The following KCNH7 variants were observed in gnomAD, a reference collection of about 807,000 sequenced individuals.
KCNH7 encodes voltage-gated inwardly rectifying potassium channel KCNH7.
KCNH7 carries 49 observed loss-of-function variants against 120.8 expected under a neutral mutation model. The observed-to-expected ratio is 0.41, with a 90% CI of 0.32 to 0.51. The LOEUF (loss-of-function observed/expected upper bound fraction) is 0.51. KCNH7 is among the 20% of genes least tolerant of loss of function. The probability of loss-of-function intolerance (pLI) is 0.38; values close to 1 mark genes in which losing one functional copy is unlikely to be tolerated. For missense variants in KCNH7, 1,097 were observed against 1,446.6 expected (o/e 0.76, Z 3.92); for synonymous variants, 547 against 516.1 (o/e 1.06, Z -0.81).
At chr2:162,570,268 C>T (rs1254765361) in intron 2 of KCNH7, among the ~76,000 whole-genome samples, 1 of 150,344 alleles carries the variant, frequency 6.7e-6, no homozygotes, top group African/African-American at 2.5e-5. Flanking sequence ...TGAATTGATC[C>T]CTTTACCATT....
intron 6 of KCNH7, among the ~76,000 whole-genome samples, chr2:162,466,937 T>A (rs1375227260): frequency 6.6e-6 from 1 of 152,206 alleles, no homozygotes; most frequent in Non-Finnish European, 1.5e-5. Flanking sequence ...GGCATCAATG[T>A]AGTCAACCTT....
chr2:162,595,550 G>A (rs1187961729), intron 2 of KCNH7, among the ~76,000 whole-genome samples: 2 of 151,980 alleles, frequency 1.3e-5, no homozygotes, highest in South Asian at 2.1e-4. Context: ...CAACAAAATA[G>A]GTATAGGAGG....
chr2:162,443,827 T>C (rs1452797566), intron 7 of KCNH7, among the ~76,000 whole-genome samples: 1 of 152,236 alleles, frequency 6.6e-6, no homozygotes, highest in East Asian at 1.9e-4. Flanking sequence ...GGTCTCTGTC[T>C]CTGCCTTCTC....
intron 7 of KCNH7, among the ~76,000 whole-genome samples, chr2:162,437,903 G>A (rs571711551): frequency 3.9e-5 from 6 of 152,148 alleles, no homozygotes; most frequent in Admixed American, 3.9e-4. Context: ...GAAACAAAGG[G>A]ACTTCATGAG....
chr2:162,499,611 G>T (rs1690610509), intron 6 of KCNH7, among the ~76,000 whole-genome samples: 1 of 152,146 alleles, frequency 6.6e-6, no homozygotes, highest in Non-Finnish European at 1.5e-5. Context: ...CAAAATAACA[G>T]CAAGAATTGA....
At chr2:162,672,572 C>T (rs1685396458) in intron 2 of KCNH7, among the ~76,000 whole-genome samples, 1 of 151,712 alleles carries the variant, frequency 6.6e-6, no homozygotes, top group South Asian at 2.1e-4. Context: ...AACTCAGCAA[C>T]AAACTTAAGA....
At chr2:162,525,836 T>G (rs1361674606) in intron 3 of KCNH7, among the ~76,000 whole-genome samples, 1 of 151,922 alleles carries the variant, frequency 6.6e-6, no homozygotes, top group African/African-American at 2.4e-5. Context: ...GATTGGGTGT[T>G]GCTAGGTAAC....
At chr2:162,700,942 T>C (rs1222835771) in intron 2 of KCNH7, among the ~76,000 whole-genome samples, 3 of 152,208 alleles carry the variant, frequency 2.0e-5, no homozygotes, top group East Asian at 3.8e-4. Flanking sequence ...TTTGGGATTG[T>C]TCTTTAGAGA....
chr2:162,728,366 T>G (rs922220575), intron 2 of KCNH7, among the ~76,000 whole-genome samples: 1 of 152,220 alleles, frequency 6.6e-6, no homozygotes, highest in African/African-American at 2.4e-5. Flanking sequence ...GTTTTTTATA[T>G]TTTCTTTATA....
chr2:162,787,650 C>A lies in KCNH7; in HGVS notation c.307+48887G>T, dbSNP rs563382018. Among the ~76,000 whole-genome samples, 13 of 152,348 alleles carry A rather than the reference C, an allele frequency of 8.5e-5. No homozygotes were observed. The South Asian group carries it at 2.5e-3, about 29-fold the overall frequency. On this transcript the variant is annotated intron_variant, in intron 2 of 15. Transcript: ENST00000332142. ...TCATGATCAAGTCTTTCCCATGGAT[C>A]AAGGCAGCAGGCCTGGCCCAGGACC...
intron 2 of KCNH7, among the ~76,000 whole-genome samples, chr2:162,589,507 T>C (rs1209241478): frequency 2.0e-5 from 3 of 151,042 alleles, no homozygotes; most frequent in Non-Finnish European, 4.4e-5. Flanking sequence ...AAACAGAAAT[T>C]GAATAATTTT....
intron 2 of KCNH7, among the ~76,000 whole-genome samples, chr2:162,544,414 A>G (rs527816799): frequency 1.3e-5 from 2 of 152,136 alleles, no homozygotes; most frequent in Non-Finnish European, 2.9e-5. Flanking sequence ...AGGGCTATAC[A>G]TGCTTTAATA....
intron 3 of KCNH7, among the ~76,000 whole-genome samples, chr2:162,527,566 T>C (rs1691753699): frequency 6.6e-6 from 1 of 152,004 alleles, no homozygotes; most frequent in South Asian, 2.1e-4. Flanking sequence ...ATCTAGAGTA[T>C]TGAGTCCAAA....
At chr2:162,671,269 A>G (rs1201319692) in intron 2 of KCNH7, among the ~76,000 whole-genome samples, 2 of 152,180 alleles carry the variant, frequency 1.3e-5, no homozygotes, top group African/African-American at 4.8e-5. Flanking sequence ...TGTTTATTGC[A>G]GTACTATTCA....
At chr2:162,505,823 AT>A (rs1365935821) in intron 5 of KCNH7, among the ~76,000 whole-genome samples, 1 of 151,810 alleles carries the variant, frequency 6.6e-6, no homozygotes, top group Non-Finnish European at 1.5e-5. Context: ...ACGTGAACCC[AT>A]TTTCGGGATC....
At chr2:162,636,701 C>A (rs570229166) in intron 2 of KCNH7, among the ~76,000 whole-genome samples, 1 of 152,018 alleles carries the variant, frequency 6.6e-6, no homozygotes, top group Admixed American at 6.6e-5. Flanking sequence ...CAAATGGAAG[C>A]AATATATTTC....
intron 2 of KCNH7, among the ~76,000 whole-genome samples, chr2:162,719,268 C>G (rs1395036089): frequency 6.6e-6 from 1 of 151,992 alleles, no homozygotes; most frequent in Non-Finnish European, 1.5e-5. Context: ...TATACTTAAT[C>G]CATTCTTTTA....
intron 6 of KCNH7, among the ~76,000 whole-genome samples, chr2:162,493,216 T>C (rs1206565608): frequency 6.6e-6 from 1 of 152,072 alleles, no homozygotes; most frequent in Non-Finnish European, 1.5e-5. Context: ...AATTAGGAGA[T>C]AGGCAAATGA....
intron 2 of KCNH7, among the ~76,000 whole-genome samples, chr2:162,716,372 C>T (rs1465961823): frequency 6.6e-6 from 1 of 152,078 alleles, no homozygotes; most frequent in Non-Finnish European, 1.5e-5. Context: ...TAAAAAGGCA[C>T]TGAATTAGGT....
Sources: allele counts gnomAD v4.1 joint callset (sites outside exome capture counted in the v4.1 genomes callset), GRCh38; gene constraint gnomAD v4.1.1; transcripts MANE v1.5; gene names NCBI Gene and HGNC (gene_info 2026-07-23, HGNC 2026-07-21).